Variants in CA5A observed in about 807,000 individuals in gnomAD.
CA5A encodes the protein carbonic anhydrase 5A, also known as carbonic anhydrase 5A, mitochondrial.
CA5A carries 28 observed loss-of-function variants against 37.1 expected under a neutral mutation model. The ratio of observed to expected loss-of-function variants is 0.75; its 90% CI spans 0.56 to 1.03. CA5A has a LOEUF of 1.03. Among genes scored for constraint, CA5A ranks in the 50% least tolerant of loss-of-function variants. CA5A has a pLI of 0.00. For synonymous variants in CA5A, 171 were observed against 158.4 expected (o/e 1.08, Z -0.60); for missense variants, 444 against 399.9 (o/e 1.11, Z -0.94).
intron 6 of CA5A, among the ~76,000 whole-genome samples, chr16:87,890,085 A>G (rs1370819059): frequency 6.6e-6 from 1 of 152,208 alleles, no homozygotes; most frequent in Non-Finnish European, 1.5e-5. Context: ...GCCTTCCAGG[A>G]CATGTGCCTC....
intron 3 of CA5A, among the ~76,000 whole-genome samples, chr16:87,903,490 C>G (rs534246405): frequency 6.6e-6 from 1 of 152,256 alleles, no homozygotes; most frequent in African/African-American, 2.4e-5. Flanking sequence ...AACAAAGTTG[C>G]AGATAGAGAT....
chr16:87,904,798 C>A lies in CA5A; in HGVS notation c.447G>T (p.Ala149=). 1.2e-6 allele frequency: 2 copies of A among 1,604,784 alleles called. No individual in the cohort carries two copies. The highest frequency in any genetic ancestry group is 1.7e-4 in the Middle Eastern group (1 of 6,042). ...CACGTCTACAAACCTCTGCGGGGTA[C>A]GCGTGGCCGTCCACTGTGTGCTCTG... ...GGSEHTVDGH[A]YPAELHLVHW... Residue 149 remains alanine, a synonymous_variant, in exon 3 of 7, where the codon GCG becomes GCT. Transcript: ENST00000649794.
intron 5 of CA5A, among the ~76,000 whole-genome samples, chr16:87,896,203 G>C (rs2055799805): frequency 6.6e-6 from 1 of 152,250 alleles, no homozygotes; most frequent in Non-Finnish European, 1.5e-5. Flanking sequence ...CTGAGGCCTG[G>C]CCCGTTCCGA....
At chr16:87,890,048 C>G (rs185149722) in intron 6 of CA5A, among the ~76,000 whole-genome samples, 1 of 152,340 alleles carries the variant, frequency 6.6e-6, no homozygotes, top group Admixed American at 6.5e-5. Context: ...GACTGTGCAG[C>G]CTTTCTCCTC....
intron 5 of CA5A, among the ~76,000 whole-genome samples, chr16:87,898,021 G>A (rs1048805364): frequency 5.3e-5 from 8 of 152,172 alleles, no homozygotes; most frequent in African/African-American, 1.9e-4. Flanking sequence ...AAAGGACATC[G>A]TGTCCATCTG....
In CA5A at chr16:87,934,125, G is replaced by A. The variant is rs551016453; in HGVS notation, c.142+2184C>T. ...TGTGTTAGCAACAGCAGCAGCTGGCGTCTAGCAAGGGCTTCCTGGAGCCAT... is the reference window on the plus strand; with the variant it reads ...TGTGTTAGCAACAGCAGCAGCTGGCATCTAGCAAGGGCTTCCTGGAGCCAT... On this transcript the variant is annotated intron_variant, in intron 1 of 6. Coordinates refer to ENST00000649794, the MANE Select transcript of CA5A (RefSeq NM_001739.2). Among the ~76,000 whole-genome samples the A allele has an allele frequency of 2.4e-4, 37 of 152,388 alleles. No individual in the cohort carries two copies. In the East Asian group the frequency reaches 4.8e-3, roughly 20 times the overall value.
At chr16:87,889,171 G>A (rs375836882) in intron 6 of CA5A, among the ~76,000 whole-genome samples, 1 of 151,894 alleles carries the variant, frequency 6.6e-6, no homozygotes, top group African/African-American at 2.4e-5. Context: ...CACCTGCCTC[G>A]GCCTCCCAAA....
intron 5 of CA5A, chr16:87,892,905 C>A (rs1178776102): frequency 2.1e-5 from 11 of 515,010 alleles, no homozygotes; most frequent in Non-Finnish European, 3.4e-5. Context: ...ATCCACCCGC[C>A]TTGGCCTCCC....
intron 5 of CA5A, among the ~76,000 whole-genome samples, chr16:87,895,092 A>C (rs2055782951): frequency 6.6e-6 from 1 of 152,066 alleles, no homozygotes; most frequent in South Asian, 2.1e-4. Flanking sequence ...TCTACAAAAA[A>C]TACAAAAACT....
rs1337843263 is a variant in CA5A, at chr16:87,891,971, C to T, written c.619-17G>A. ...CCGCGCGTCCTGAGAGACCGAGAAG[C>T]ACAGGACGTGTCAGTCCTCAGGGGA... On this transcript the variant is annotated splice_polypyrimidine_tract_variant and intron_variant, in intron 5 of 6. Transcript: ENST00000649794. 8 of 1,521,812 alleles carry T rather than the reference C, an allele frequency of 5.3e-6. No homozygotes were observed. Among genetic ancestry groups the T allele is most frequent in the Non-Finnish European group, 7.0e-6 (8 of 1,136,312 alleles). 94.3% of individuals were successfully genotyped at this position (1,521,812 alleles called of 1,614,324 possible).
chr16:87,928,959 CG>C (rs934869096), intron 1 of CA5A, among the ~76,000 whole-genome samples: 8 of 149,230 alleles, frequency 5.4e-5, no homozygotes, highest in African/African-American at 1.5e-4. Context: ...TTCATAGAGA[CG>C]GGGTTTCACT....
At chr16:87,917,166 C>T (rs2056157947) in intron 2 of CA5A, among the ~76,000 whole-genome samples, 1 of 151,652 alleles carries the variant, frequency 6.6e-6, no homozygotes, top group African/African-American at 2.4e-5. Flanking sequence ...CTTCTGGATC[C>T]AAATGATAAC....
intron 5 of CA5A, 111 bp downstream of exon 5, chr16:87,901,801 G>A (rs1197734785): frequency 5.2e-6 from 4 of 766,046 alleles, no homozygotes; most frequent in African/African-American, 1.7e-5. Flanking sequence ...TGGTCAGGCT[G>A]GTCTCGAACT....
chr16:87,917,562 T>C (rs2056164743), intron 2 of CA5A, among the ~76,000 whole-genome samples: 1 of 152,174 alleles, frequency 6.6e-6, no homozygotes, highest in Non-Finnish European at 1.5e-5. Flanking sequence ...AGGAGCTACA[T>C]ACAGAATGGA....
In CA5A at chr16:87,891,417, G is replaced by A. The variant is rs372612077; in HGVS notation, c.774+382C>T. Among the ~76,000 whole-genome samples, 33 of 150,984 alleles carry A rather than the reference G, an allele frequency of 2.2e-4. No homozygotes were observed. The South Asian group carries it at 2.5e-3, about 12-fold the overall frequency. ...CAGGAGGTGGAGGTTGTAGTGAGCC[G>A]AGATCGCACCACTGCACTCCAGCCT... On this transcript the variant is annotated intron_variant, in intron 6 of 6. Transcript: ENST00000649794.
intron 2 of CA5A, among the ~76,000 whole-genome samples, chr16:87,918,111 G>A (rs8054193): frequency 0.012 from 1,897 of 152,278 alleles, 39 homozygotes; most frequent in African/African-American, 0.043. Flanking sequence ...CCTCTGATGC[G>A]GACAGCCTGG....
chr16:87,909,074 G>A (rs893681158), intron 2 of CA5A, among the ~76,000 whole-genome samples: 3 of 150,482 alleles, frequency 2.0e-5, no homozygotes, highest in Non-Finnish European at 2.9e-5. Flanking sequence ...CTCATGATCC[G>A]CCTGCCTTGG....
At chr16:87,909,398 G>A (rs961120390) in intron 2 of CA5A, among the ~76,000 whole-genome samples, 1 of 152,216 alleles carries the variant, frequency 6.6e-6, no homozygotes, top group Non-Finnish European at 1.5e-5. Flanking sequence ...GGTCTCTCTG[G>A]CTCTATGATA....
intron 2 of CA5A, 45 bp from the exon 3 acceptor site, chr16:87,904,949 G>A (rs368345999): frequency 1.6e-5 from 20 of 1,278,446 alleles, no homozygotes; most frequent in Admixed American, 1.3e-4. Context: ...TTGTCTGTTT[G>A]TTGAGCTGTG....
Sources: gnomAD v4.1 joint callset for allele counts (sites outside exome capture counted in the v4.1 genomes callset) on GRCh38, gnomAD v4.1.1 for gene constraint, MANE v1.5 for transcripts, NCBI Gene and HGNC (gene_info 2026-07-23, HGNC 2026-07-21) for gene names.